The following SMYD3 variants were observed in gnomAD, a reference collection of about 807,000 sequenced individuals.
SMYD3 encodes SET and MYND domain containing 3, also known as histone-lysine N-methyltransferase SMYD3.
SMYD3 carries 36 observed loss-of-function variants against 57.7 expected under a neutral mutation model. That is an observed-to-expected ratio of 0.62 (90% CI 0.48 to 0.82). The LOEUF is 0.82. SMYD3 is among the 40% of genes least tolerant of loss of function. The pLI is 0.00. For missense variants in SMYD3, 515 were observed against 538.8 expected (o/e 0.96, Z 0.44); for synonymous variants, 211 against 195.0 (o/e 1.08, Z -0.68).
intron 1 of SMYD3, among the ~76,000 whole-genome samples, chr1:246,408,174 AT>A (rs1056644412): frequency 5.9e-5 from 9 of 152,148 alleles, no homozygotes; most frequent in African/African-American, 2.2e-4. Context: ...CAGCATATAA[AT>A]TTTGGAAGGA....
chr1:245,888,406 A>C (rs1432674445), intron 8 of SMYD3, among the ~76,000 whole-genome samples: 1 of 152,214 alleles, frequency 6.6e-6, no homozygotes, highest in African/African-American at 2.4e-5. Flanking sequence ...AAATAGGCCT[A>C]AAAGTTCCCT....
chr1:246,010,791 G>T (rs1223096142), intron 5 of SMYD3, among the ~76,000 whole-genome samples: 1 of 152,190 alleles, frequency 6.6e-6, no homozygotes, highest in Non-Finnish European at 1.5e-5. Context: ...TGGTGTCTAT[G>T]GATATCTGCG....
At chr1:246,365,499 A>C (rs76606835) in intron 1 of SMYD3, among the ~76,000 whole-genome samples, 1 of 148,388 alleles carries the variant, frequency 6.7e-6, no homozygotes, top group African/African-American at 2.5e-5. Context: ...TGTCTAAAAA[A>C]AAAAAAAAAA....
intron 5 of SMYD3, among the ~76,000 whole-genome samples, chr1:246,011,400 A>C (rs1208105022): frequency 6.6e-6 from 1 of 152,220 alleles, no homozygotes; most frequent in Non-Finnish European, 1.5e-5. Flanking sequence ...GTTTACTCAT[A>C]ATGGTTTAGC....
chr1:246,180,793 A>G (rs1183657690), intron 5 of SMYD3, among the ~76,000 whole-genome samples: 1 of 115,856 alleles, frequency 8.6e-6, no homozygotes, highest in African/African-American at 3.3e-5. Context: ...AAAAAAAAAA[A>G]AAAACAACTC....
chr1:246,157,652 T>TTC (rs1553302281), intron 5 of SMYD3, among the ~76,000 whole-genome samples: 13 of 151,072 alleles, frequency 8.6e-5, no homozygotes, highest in South Asian at 2.1e-4. Flanking sequence ...TTGTCTTTTT[T>TTC]CCCCCCCATA....
intron 1 of SMYD3, among the ~76,000 whole-genome samples, chr1:246,465,503 T>C (rs918016972): frequency 2.0e-5 from 3 of 152,118 alleles, no homozygotes; most frequent in Admixed American, 6.5e-5. Flanking sequence ...CATAAATTAA[T>C]GAAGGAAGTT....
intron 1 of SMYD3, among the ~76,000 whole-genome samples, chr1:246,455,634 T>C (rs1405490044): frequency 1.3e-5 from 2 of 152,212 alleles, no homozygotes; most frequent in East Asian, 3.9e-4. Context: ...ATAGAATGCG[T>C]TCTTTACAAT....
At chr1:245,911,620 G>C (rs2054994645) in intron 8 of SMYD3, among the ~76,000 whole-genome samples, 1 of 152,036 alleles carries the variant, frequency 6.6e-6, no homozygotes, top group Admixed American at 6.6e-5. Flanking sequence ...CACATGATGT[G>C]AAATATGCCA....
chr1:246,480,422 T>G (rs989571920), intron 1 of SMYD3, among the ~76,000 whole-genome samples: 8 of 152,314 alleles, frequency 5.3e-5, no homozygotes, highest in African/African-American at 1.9e-4. Context: ...TACAAAGAAG[T>G]AAAGCATAAT....
chr1:246,330,884 C>A (rs970590070), intron 3 of SMYD3, among the ~76,000 whole-genome samples: 1 of 152,108 alleles, frequency 6.6e-6, no homozygotes, highest in Admixed American at 6.5e-5. Flanking sequence ...CTATAATCCC[C>A]GATACTTTGG....
At chr1:246,077,991 G>A (rs1182320204) in intron 5 of SMYD3, among the ~76,000 whole-genome samples, 3 of 151,964 alleles carry the variant, frequency 2.0e-5, no homozygotes, top group Non-Finnish European at 4.4e-5. Context: ...ATTCAGTAAA[G>A]TACATGTTGG....
At chr1:246,075,022 C>T (rs1260150989) in intron 5 of SMYD3, among the ~76,000 whole-genome samples, 2 of 151,504 alleles carry the variant, frequency 1.3e-5, no homozygotes, top group African/African-American at 2.4e-5. Flanking sequence ...CCCAAAATTA[C>T]TAGACATATG....
intron 5 of SMYD3, among the ~76,000 whole-genome samples, chr1:245,946,750 A>G (rs2057441261): frequency 6.6e-6 from 1 of 152,196 alleles, no homozygotes. Flanking sequence ...TTAAGGGTCT[A>G]TTATGTACCA....
intron 5 of SMYD3, among the ~76,000 whole-genome samples, chr1:246,123,480 T>C (rs1171112506): frequency 6.6e-6 from 1 of 151,602 alleles, no homozygotes; most frequent in Non-Finnish European, 1.5e-5. Context: ...GGCAGGAGAA[T>C]AGCTTGAACC....
intron 5 of SMYD3, among the ~76,000 whole-genome samples, chr1:246,019,331 C>T (rs548424510): frequency 1.3e-5 from 2 of 152,348 alleles, no homozygotes; most frequent in African/African-American, 2.4e-5. Flanking sequence ...CAAAATGTCA[C>T]TAGTGTCAAA....
chr1:246,100,269 A>G (rs1015386533), intron 5 of SMYD3, among the ~76,000 whole-genome samples: 1 of 152,234 alleles, frequency 6.6e-6, no homozygotes, highest in Non-Finnish European at 1.5e-5. Context: ...CTCTAAATAG[A>G]CTGCAGAAAT....
chr1:246,422,221 A>AT (rs1284129269), intron 1 of SMYD3, among the ~76,000 whole-genome samples: 5 of 152,146 alleles, frequency 3.3e-5, no homozygotes, highest in African/African-American at 1.2e-4. Context: ...ATTTAACCTG[A>AT]TTAAAATGGA....
chr1:245,757,870 T>C (rs1423785179), intron 11 of SMYD3, among the ~76,000 whole-genome samples: 1 of 152,092 alleles, frequency 6.6e-6, no homozygotes, highest in African/African-American at 2.4e-5. Flanking sequence ...TTCTCCATAT[T>C]TCTTCTTCTT....
Sources: allele counts gnomAD v4.1 joint callset (sites outside exome capture counted in the v4.1 genomes callset), GRCh38; gene constraint gnomAD v4.1.1; transcripts MANE v1.5; gene names NCBI Gene and HGNC (gene_info 2026-07-23, HGNC 2026-07-21).